Variants in NCOR2 observed in about 807,000 individuals in gnomAD.
The protein encoded by NCOR2 is CTG repeat protein 26.
Under a neutral mutation model 262.9 loss-of-function variants are expected in NCOR2, and 81 were observed. The observed-to-expected ratio is 0.31, with a 90% CI of 0.26 to 0.37. The LOEUF (loss-of-function observed/expected upper bound fraction) is 0.37. Among genes scored for constraint, NCOR2 ranks in the 10% least tolerant of loss-of-function variants. The pLI is 1.00. For synonymous variants in NCOR2, 1,659 were observed against 1,559.3 expected, an observed-to-expected ratio of 1.06 and a Z score of -1.51; for missense variants, 3,385 against 3,621.4, an observed-to-expected ratio of 0.93 and a Z score of 1.68.
intron 16 of NCOR2, among the ~76,000 whole-genome samples, chr12:124,386,435 C>T (rs1055553991): frequency 6.6e-6 from 1 of 152,018 alleles, no homozygotes; most frequent in Admixed American, 6.6e-5. Flanking sequence ...TGAGCTGGGG[C>T]CAGGAGCCTC....
chr12:124,502,238 T>C (rs1447169782), intron 1 of NCOR2, among the ~76,000 whole-genome samples: 2 of 152,216 alleles, frequency 1.3e-5, no homozygotes, highest in Non-Finnish European at 2.9e-5. Flanking sequence ...AGAGAGCTCC[T>C]GCTGCCCGGC....
intron 1 of NCOR2, among the ~76,000 whole-genome samples, chr12:124,522,816 C>G (rs746492478): frequency 1.1e-4 from 17 of 152,236 alleles, no homozygotes; most frequent in Non-Finnish European, 2.5e-4. Context: ...GGCCCCAGGG[C>G]CCCCCTATAG....
chr12:124,475,136 G>C (rs1042551913), intron 3 of NCOR2, among the ~76,000 whole-genome samples: 1 of 152,134 alleles, frequency 6.6e-6, no homozygotes, highest in Non-Finnish European at 1.5e-5. Flanking sequence ...GAGATGTGGG[G>C]GCAAGGACAG....
chr12:124,430,006 C>T (rs560010996), intron 9 of NCOR2, among the ~76,000 whole-genome samples: 11 of 152,198 alleles, frequency 7.2e-5, no homozygotes, highest in East Asian at 5.8e-4. Context: ...GGCCCTGGGC[C>T]GAAGTGTTTC....
At chr12:124,545,465 CCCT>C (rs768514312) in intron 1 of NCOR2, among the ~76,000 whole-genome samples, 2 of 152,220 alleles carry the variant, frequency 1.3e-5, no homozygotes, top group Non-Finnish European at 2.9e-5. Flanking sequence ...AGCTTTCAGC[CCCT>C]GGTGTCCACA....
chr12:124,355,507 G>A, exon 24 of NCOR2: 1 of 1,609,488 alleles, frequency 6.2e-7, no homozygotes, highest in Non-Finnish European at 8.5e-7. Flanking sequence ...GCGGGTTGGA[G>A]ATGGTGGGTG....
rs1229110248 is a variant in NCOR2, at chr12:124,517,698, C to T, written c.-118+17867G>A. ...GGCTCGCCATGCTCCCCCCCAGGGACGCCGGATGTGCACCAAGGAGAGGAG... is the reference window on the plus strand; with the variant it reads ...GGCTCGCCATGCTCCCCCCCAGGGATGCCGGATGTGCACCAAGGAGAGGAG... On this transcript the variant is annotated intron_variant, in intron 1 of 46. Coordinates refer to the NCOR2 transcript ENST00000404621. The surrounding 1 kb of genome is among the most constrained non-coding windows in gnomAD (Gnocchi z 7.6). 2.6e-5 allele frequency among the ~76,000 whole-genome samples: 4 copies of T among 152,220 alleles called. No individual in the cohort carries two copies. The highest frequency in any genetic ancestry group is 6.5e-5 in the Admixed American group (1 of 15,294).
At chr12:124,487,777 T>C (rs1337144329) in intron 1 of NCOR2, among the ~76,000 whole-genome samples, 1 of 151,830 alleles carries the variant, frequency 6.6e-6, no homozygotes, top group Non-Finnish European at 1.5e-5. Flanking sequence ...CTTTAACACA[T>C]TATCCATTAT....
Position 124,445,439 on chromosome 12 carries a change from C to T in NCOR2, c.815+4376G>A, listed in dbSNP as rs191085763. ...GGGCGGCGGAGGCGGCTACGGGCGACTCCAACGCGTCCGAAATCGTCTGTG... is the reference window on the plus strand; with the variant it reads ...GGGCGGCGGAGGCGGCTACGGGCGATTCCAACGCGTCCGAAATCGTCTGTG... On this transcript the variant is annotated intron_variant, in intron 7 of 46. Transcript: ENST00000405201. Among the ~76,000 whole-genome samples, 59 of 152,350 alleles carry T rather than the reference C, an allele frequency of 3.9e-4. 2 individuals are homozygous for T. In the Middle Eastern group the frequency reaches 0.01, roughly 26 times the overall value.
At chr12:124,360,946 G>T (rs1170982542) in intron 22 of NCOR2, among the ~76,000 whole-genome samples, 1 of 152,158 alleles carries the variant, frequency 6.6e-6, no homozygotes, top group Non-Finnish European at 1.5e-5. Flanking sequence ...CCCCAGAGCA[G>T]AGACTTCCTC....
At chr12:124,350,141 G>A (rs1566379549) in intron 28 of NCOR2, among the ~76,000 whole-genome samples, 1 of 152,148 alleles carries the variant, frequency 6.6e-6, no homozygotes, top group East Asian at 1.9e-4. Context: ...TTCCTGGCAG[G>A]GTCTCCTCGT....
At chr12:124,336,613 G>A (rs2035929899) in intron 38 of NCOR2, 140 bp downstream of exon 40, 1 of 1,473,776 alleles carries the variant, frequency 6.8e-7, no homozygotes, top group African/African-American at 1.5e-5. Context: ...CCACGAGACG[G>A]GGTGGGTGCG....
chr12:124,486,253 T>A (rs1286785108), intron 2 of NCOR2, 188 bp downstream of exon 4: 1 of 818,982 alleles, frequency 1.2e-6, no homozygotes, highest in East Asian at 3.4e-5. Flanking sequence ...GAGGGCCACG[T>A]GGCTCTTCCC....
chr12:124,387,308 A>G (rs1186457199), intron 16 of NCOR2, among the ~76,000 whole-genome samples: 1 of 149,648 alleles, frequency 6.7e-6, no homozygotes, highest in Non-Finnish European at 1.5e-5. Flanking sequence ...AAACAACAGC[A>G]GCAGAAACAT....
At chr12:124,391,856 C>T (rs983804097) in intron 16 of NCOR2, among the ~76,000 whole-genome samples, 11 of 152,226 alleles carry the variant, frequency 7.2e-5, no homozygotes, top group Non-Finnish European at 1.5e-4. Flanking sequence ...CTACCATTTC[C>T]GGAAGTGCCA....
intron 46 of NCOR2, 58 bp from the exon 49 acceptor site, chr12:124,325,641 G>T: frequency 8.5e-7 from 1 of 1,179,670 alleles, no homozygotes; most frequent in Non-Finnish European, 1.1e-6. Flanking sequence ...AGCCCCTGCT[G>T]GCCGCCTGCC....
upstream of NCOR2, among the ~76,000 whole-genome samples, chr12:124,499,240 G>A (rs2048549575): frequency 6.6e-6 from 1 of 152,246 alleles, no homozygotes; most frequent in Admixed American, 6.5e-5. Flanking sequence ...AGGTTCTGAG[G>A]ATGGATCCGG....
At chr12:124,402,411 G>A (rs1223277043) in exon 14 of NCOR2, 111 of 1,613,990 alleles carry the variant, frequency 6.9e-5, no homozygotes, top group Non-Finnish European at 9.2e-5. Context: ...TACTTGAGGA[G>A]GTCTTCCTTG....
chr12:124,435,296 G>A (rs1219683685), intron 8 of NCOR2, among the ~76,000 whole-genome samples: 1 of 152,174 alleles, frequency 6.6e-6, no homozygotes, highest in Non-Finnish European at 1.5e-5. Flanking sequence ...CAGCAGCCCT[G>A]TGTGGGTATC....
Sources: allele counts gnomAD v4.1 joint callset (sites outside exome capture counted in the v4.1 genomes callset), GRCh38; gene constraint gnomAD v4.1.1; non-coding constraint Gnocchi (gnomAD v3.1); transcripts MANE v1.5; gene names NCBI Gene and HGNC (gene_info 2026-07-23, HGNC 2026-07-21).